CAMKMT: variants seen among roughly 807,000 people sequenced by gnomAD.
CAMKMT encodes calmodulin-lysine N-methyltransferase.
CAMKMT carries 53 observed loss-of-function variants against 48.0 expected under a neutral mutation model. The observed-to-expected ratio is 1.10, with a 90% CI of 0.89 to 1.39. CAMKMT has a LOEUF of 1.39. Ranked by LOEUF, CAMKMT falls within the 40% of genes most tolerant of loss-of-function variation. The pLI, the probability that CAMKMT is intolerant of heterozygous loss-of-function variation, is 0.00. For synonymous variants in CAMKMT, 165 were observed against 152.3 expected (o/e 1.08, Z -0.61); for missense variants, 428 against 402.7 (o/e 1.06, Z -0.54).
At chr2:44,768,006 CCTCCCTGAAA>C (rs2104408387) in intron 10 of CAMKMT, among the ~76,000 whole-genome samples, 1 of 152,294 alleles carries the variant, frequency 6.6e-6, no homozygotes, top group Admixed American at 6.5e-5. Context: ...CCCTCCGTCT[CCTCCCTGAAA>C]GACCTGAGGA....
At chr2:44,623,178 T>C (rs1308828637) in intron 3 of CAMKMT, among the ~76,000 whole-genome samples, 2 of 152,196 alleles carry the variant, frequency 1.3e-5, no homozygotes, top group African/African-American at 2.4e-5. Context: ...AATGGGATTA[T>C]TTGTTTTTTG....
At chr2:44,533,984 C>T (rs2104834198) in intron 3 of CAMKMT, among the ~76,000 whole-genome samples, 1 of 152,244 alleles carries the variant, frequency 6.6e-6, no homozygotes, top group South Asian at 2.1e-4. Flanking sequence ...CTACAAGAAA[C>T]TCACTTCACC....
intron 3 of CAMKMT, among the ~76,000 whole-genome samples, chr2:44,690,711 C>A (rs1022643657): frequency 1.1e-4 from 17 of 151,938 alleles, no homozygotes; most frequent in African/African-American, 4.1e-4. Flanking sequence ...TGTGGTGGCT[C>A]ACGCCTGTAA....
Position 44,662,824 on chromosome 2 carries a change from A to G in CAMKMT, c.377-41459A>G, listed in dbSNP as rs887705270. On this transcript the variant is annotated intron_variant, in intron 3 of 10. Transcript: ENST00000378494. ...AGCGACTTTCCTACCTCAGCCTCCC[A>G]AAGTGCTGGGATTAGAGATGTGTGC... is the stretch of plus-strand genomic sequence containing the variant. Among the ~76,000 whole-genome samples the G allele has an allele frequency of 2.4e-4, 37 of 152,150 alleles. 1 individual carries two copies. Among genetic ancestry groups the G allele is most frequent in the African/African-American group, 8.9e-4 (37 of 41,416 alleles).
intron 3 of CAMKMT, among the ~76,000 whole-genome samples, chr2:44,430,976 C>T (rs930336089): frequency 4.6e-5 from 7 of 152,052 alleles, no homozygotes; most frequent in African/African-American, 7.2e-5. Flanking sequence ...TTTTGTAGCA[C>T]GTTATTAAAA....
At chr2:44,467,379 A>C (rs1345741953) in intron 3 of CAMKMT, among the ~76,000 whole-genome samples, 1 of 151,934 alleles carries the variant, frequency 6.6e-6, no homozygotes, top group Non-Finnish European at 1.5e-5. Flanking sequence ...TAAAAATACA[A>C]AAATTAGCCA....
intron 3 of CAMKMT, among the ~76,000 whole-genome samples, chr2:44,514,801 G>A (rs984640949): frequency 3.9e-5 from 6 of 152,198 alleles, no homozygotes; most frequent in Admixed American, 3.3e-4. Context: ...TGTTGCTATA[G>A]CAATGATATT....
intron 3 of CAMKMT, among the ~76,000 whole-genome samples, chr2:44,627,480 C>A (rs1480596257): frequency 2.0e-5 from 3 of 151,928 alleles, no homozygotes; most frequent in Non-Finnish European, 4.4e-5. Context: ...TCCCTTAATG[C>A]TTGATAGAAT....
chr2:44,712,519 C>T lies in CAMKMT; in HGVS notation c.557-2768C>T, dbSNP rs188386899. On this transcript the variant is annotated intron_variant, in intron 6 of 10. Transcript: ENST00000378494. ...GAAACAAAATTGAAATGGAGCCCTA[C>T]CTCTGAACGGGGCTTTATTTGAGAA... Among the ~76,000 whole-genome samples, 1,058 of 152,134 alleles carry T rather than the reference C, an allele frequency of 7.0e-3. 11 individuals carry two copies. The highest frequency in any genetic ancestry group is 8.8e-3 in the Non-Finnish European group (595 of 67,980).
intron 3 of CAMKMT, among the ~76,000 whole-genome samples, chr2:44,501,522 C>G (rs577263664): frequency 1.3e-5 from 2 of 152,136 alleles, no homozygotes; most frequent in African/African-American, 4.8e-5. Flanking sequence ...TTTAAGTTGC[C>G]TATCTCCTAT....
chr2:44,765,179 G>T (rs1423477262), intron 9 of CAMKMT, among the ~76,000 whole-genome samples: 2 of 152,198 alleles, frequency 1.3e-5, no homozygotes, highest in African/African-American at 4.8e-5. Context: ...AGTGAACCGA[G>T]ATTGCACCAC....
In CAMKMT at chr2:44,519,672, A is replaced by T. The variant is rs533494897; in HGVS notation, c.376+129367A>T. Among the ~76,000 whole-genome samples the T allele has an allele frequency of 9.2e-5, 14 of 152,332 alleles. No homozygotes were observed. The East Asian group carries it at 2.7e-3, about 29-fold the overall frequency. ...AAACGAAACAAAACAAAAAAGTGTGACTTAGGACACAGGAGATGTACGTTA... is the reference window on the plus strand; with the variant it reads ...AAACGAAACAAAACAAAAAAGTGTGTCTTAGGACACAGGAGATGTACGTTA... On this transcript the variant is annotated intron_variant, in intron 3 of 10. Coordinates refer to ENST00000378494, the MANE Select transcript of CAMKMT (RefSeq NM_024766.5).
chr2:44,449,037 A>G (rs990721036), intron 3 of CAMKMT, among the ~76,000 whole-genome samples: 2 of 152,190 alleles, frequency 1.3e-5, no homozygotes, highest in African/African-American at 4.8e-5. Context: ...ATGTTGAAAA[A>G]TTGATTGCGA....
At chr2:44,374,162 CAAATA>C (rs1415650289) in intron 2 of CAMKMT, among the ~76,000 whole-genome samples, 2 of 144,644 alleles carry the variant, frequency 1.4e-5, no homozygotes, top group Non-Finnish European at 3.1e-5. Context: ...AAGAAAATGC[CAAATA>C]AAATATATAA....
intron 8 of CAMKMT, among the ~76,000 whole-genome samples, chr2:44,753,405 CAA>C (rs201960068): frequency 1.1e-4 from 7 of 65,654 alleles, no homozygotes; most frequent in Admixed American, 2.8e-4. Flanking sequence ...GTCTCAGAAA[CAA>C]AAAAAAAAAA....
At position 44,453,957 on chromosome 2, in the gene CAMKMT, G is replaced by A. The variant is rs1014184462; in HGVS notation, c.376+63652G>A. Among the ~76,000 whole-genome samples, 7 of 152,174 alleles carry A rather than the reference G, an allele frequency of 4.6e-5. No individual in the cohort carries two copies. In the South Asian group the frequency reaches 1.0e-3, roughly 23 times the overall value. On this transcript the variant is annotated intron_variant, in intron 3 of 10. Coordinates refer to ENST00000378494, the MANE Select transcript of CAMKMT (RefSeq NM_024766.5). The stretch of plus-strand genomic sequence containing the variant: ...GGAAATGGATATAAAGCTTGAGGCA[G>A]TGTTGTCTTAATGGAAGTAAGAATT...
chr2:44,463,522 G>T (rs918538361), intron 3 of CAMKMT, among the ~76,000 whole-genome samples: 1 of 152,130 alleles, frequency 6.6e-6, no homozygotes, highest in Middle Eastern at 3.2e-3. Flanking sequence ...TTTTTAGGGG[G>T]TGAAAAAGTA....
intron 3 of CAMKMT, among the ~76,000 whole-genome samples, chr2:44,559,294 A>G (rs149532095): frequency 6.6e-6 from 1 of 152,174 alleles, no homozygotes; most frequent in Non-Finnish European, 1.5e-5. Flanking sequence ...AGCATCTGTC[A>G]CAGACTTGTG....
chr2:44,452,232 G>A (rs1414418416), intron 3 of CAMKMT, among the ~76,000 whole-genome samples: 2 of 151,994 alleles, frequency 1.3e-5, no homozygotes, highest in Non-Finnish European at 2.9e-5. Context: ...AAATGTGGGT[G>A]TGTATTCTTT....
Sources: allele counts gnomAD v4.1 joint callset (sites outside exome capture counted in the v4.1 genomes callset), GRCh38; gene constraint gnomAD v4.1.1; transcripts MANE v1.5; gene names NCBI Gene and HGNC (gene_info 2026-07-23, HGNC 2026-07-21).